Variants in RIPOR2 observed in about 807,000 individuals in gnomAD.
The protein encoded by RIPOR2 is rho family-interacting cell polarization regulator 2.
RIPOR2 carries 39 observed loss-of-function variants against 114.5 expected under a neutral mutation model. The ratio of observed to expected loss-of-function variants is 0.34; its 90% CI spans 0.26 to 0.44. RIPOR2 has a LOEUF of 0.44. Among genes scored for constraint, RIPOR2 ranks in the 20% least tolerant of loss-of-function variants. RIPOR2 has a pLI of 1.00. For missense variants in RIPOR2, 1,007 were observed against 1,255.1 expected (o/e 0.80, Z 2.99); for synonymous variants, 445 against 484.4 (o/e 0.92, Z 1.07).
chr6:24,822,582 G>A lies in RIPOR2; in HGVS notation c.2868+2644C>T, dbSNP rs183138828. The stretch of plus-strand genomic sequence containing the variant: ...CACCCAGGCTGGAGTGCAATGGTGC[G>A]ATCTCAGGTCACTGCAACCTTCGCC... On this transcript the variant is annotated intron_variant, in intron 19 of 21. Transcript: ENST00000643898. Among the ~76,000 whole-genome samples the A allele has an allele frequency of 5.9e-5, 9 of 152,124 alleles. No individual in the cohort carries two copies. In the East Asian group the frequency reaches 1.4e-3, roughly 23 times the overall value.
chr6:24,902,331 T>C (rs374344964), intron 1 of RIPOR2, among the ~76,000 whole-genome samples: 2 of 151,938 alleles, frequency 1.3e-5, no homozygotes, highest in Admixed American at 6.5e-5. Context: ...TCTCCTGCCT[T>C]AGCCTCCTGA....
chr6:25,027,758 C>T (rs1181747948), intron 1 of RIPOR2, among the ~76,000 whole-genome samples: 1 of 152,220 alleles, frequency 6.6e-6, no homozygotes, highest in Non-Finnish European at 1.5e-5. Context: ...CTCTCAAACA[C>T]CTTGATCCGC....
chr6:24,900,244 A>T (rs1321216933), intron 1 of RIPOR2, among the ~76,000 whole-genome samples: 1 of 152,014 alleles, frequency 6.6e-6, no homozygotes, highest in Non-Finnish European at 1.5e-5. Context: ...CACAGCCCAG[A>T]CTCTGATGCC....
chr6:24,913,476 C>T (rs1162914295), intron 1 of RIPOR2, among the ~76,000 whole-genome samples: 2 of 152,166 alleles, frequency 1.3e-5, no homozygotes, highest in African/African-American at 4.8e-5. Context: ...CCCCACAGTT[C>T]CTCCCACAGA....
chr6:24,892,340 A>G (rs1370260830), intron 1 of RIPOR2, among the ~76,000 whole-genome samples: 1 of 152,132 alleles, frequency 6.6e-6, no homozygotes, highest in Non-Finnish European at 1.5e-5. Context: ...GCGCAATCAT[A>G]GCTCACTAAA....
chr6:24,839,586 G>C, intron 13 of RIPOR2: 1 of 1,520,180 alleles, frequency 6.6e-7, no homozygotes, highest in Non-Finnish European at 8.9e-7. Context: ...TCCATTAGAG[G>C]ATCTTCTCTA....
chr6:24,937,435 G>A (rs1386262063), upstream of RIPOR2, among the ~76,000 whole-genome samples: 1 of 152,134 alleles, frequency 6.6e-6, no homozygotes, highest in East Asian at 1.9e-4. Flanking sequence ...GCAGAGAACT[G>A]GAGTTATCCT....
At chr6:25,034,392 C>T (rs1328319125) in intron 1 of RIPOR2, among the ~76,000 whole-genome samples, 1 of 152,128 alleles carries the variant, frequency 6.6e-6, no homozygotes, top group Non-Finnish European at 1.5e-5. Context: ...TTTCTTGGAT[C>T]TTGCTATTTC....
chr6:25,018,524 C>A lies in RIPOR2; in HGVS notation c.76+23327G>T, dbSNP rs905607154. On this transcript the variant is annotated intron_variant, in intron 1 of 13. Coordinates refer to the RIPOR2 transcript ENST00000510784. ...CTCCTTAACCAATTGTTTGATTATA[C>A]CCCTCACCCCTTCCAACAAACACAA... is the stretch of plus-strand genomic sequence containing the variant. 5.9e-5 allele frequency among the ~76,000 whole-genome samples: 9 copies of A among 151,988 alleles called. 1 individual carries two copies. Among genetic ancestry groups the A allele is most frequent in the Admixed American group, 4.6e-4 (7 of 15,268 alleles).
chr6:24,964,477 C>T (rs965021027), intron 1 of RIPOR2, among the ~76,000 whole-genome samples: 4 of 152,190 alleles, frequency 2.6e-5, no homozygotes, highest in African/African-American at 9.7e-5. Context: ...ATAGTTCCCT[C>T]CTTTTTATTG....
At chr6:24,868,160 T>C (rs1199612227) in intron 6 of RIPOR2, among the ~76,000 whole-genome samples, 3 of 152,220 alleles carry the variant, frequency 2.0e-5, no homozygotes, top group South Asian at 2.1e-4. Context: ...AGCATATACA[T>C]GTATATCCAT....
chr6:25,017,504 ATTC>A (rs1401950535), intron 1 of RIPOR2, among the ~76,000 whole-genome samples: 5 of 152,184 alleles, frequency 3.3e-5, no homozygotes, highest in Non-Finnish European at 7.3e-5. Context: ...TTTGGTATGT[ATTC>A]AAATCAACCC....
intron 4 of RIPOR2, among the ~76,000 whole-genome samples, chr6:24,871,554 G>A (rs372635826): frequency 1.1e-4 from 17 of 152,202 alleles, no homozygotes; most frequent in African/African-American, 3.6e-4. Context: ...GTCTCGCCAC[G>A]TTGGCCAAGC....
intron 1 of RIPOR2, among the ~76,000 whole-genome samples, chr6:25,031,724 TA>T: frequency 9.6e-6 from 1 of 104,444 alleles, no homozygotes; most frequent in African/African-American, 4.5e-5. Flanking sequence ...TATATATATA[TA>T]TATATATATA....
chr6:24,995,643 G>T (rs1024165455), intron 1 of RIPOR2, among the ~76,000 whole-genome samples: 1 of 152,060 alleles, frequency 6.6e-6, no homozygotes, highest in East Asian at 1.9e-4. Flanking sequence ...AACATACAAG[G>T]TACCTCTTAT....
chr6:24,843,054 C>A lies in RIPOR2; in HGVS notation c.1665G>T (p.Val555=). Residue 555 remains valine (V), a synonymous_variant, in exon 13 of 22, where the codon GTG becomes GTT. Transcript: ENST00000643898. Reference sequence around the variant, plus strand: ...AGAGCAGCCTGTCTGTGGCCATTGGCACCTCTGCAGATGTGAGCCTCTTGA... The same window carrying A: ...AGAGCAGCCTGTCTGTGGCCATTGGAACCTCTGCAGATGTGAGCCTCTTGA... ...QLVKRLTSAE[V]PMATDRLLSE... The A allele has an allele frequency of 6.2e-7, 1 of 1,613,232 alleles. No homozygotes were observed. The highest frequency in any genetic ancestry group is 8.5e-7 in the Non-Finnish European group (1 of 1,179,340).
At chr6:24,838,949 A>G in intron 14 of RIPOR2, 142 bp downstream of exon 14, 1 of 615,136 alleles carries the variant, frequency 1.6e-6, no homozygotes, top group Non-Finnish European at 2.7e-6. Flanking sequence ...GACAATAAAA[A>G]GGAACTGTAA....
intron 1 of RIPOR2, among the ~76,000 whole-genome samples, chr6:24,911,866 G>C (rs1170404625): frequency 2.0e-5 from 3 of 152,140 alleles, no homozygotes; most frequent in Non-Finnish European, 4.4e-5. Flanking sequence ...TGTGTATTTA[G>C]AATATGTTAA....
At chr6:25,028,331 G>A (rs1028234451) in intron 1 of RIPOR2, among the ~76,000 whole-genome samples, 5 of 152,140 alleles carry the variant, frequency 3.3e-5, no homozygotes, top group African/African-American at 9.7e-5. Context: ...GAATAGAGAG[G>A]GTGGCCACTG....
Sources: gnomAD v4.1 joint callset for allele counts (sites outside exome capture counted in the v4.1 genomes callset) on GRCh38, gnomAD v4.1.1 for gene constraint, MANE v1.5 for transcripts, NCBI Gene and HGNC (gene_info 2026-07-23, HGNC 2026-07-21) for gene names.